Variants in FNTA observed in about 807,000 individuals in gnomAD.
FNTA encodes farnesyltransferase, CAAX box, subunit alpha, also known as protein farnesyltransferase/geranylgeranyltransferase type-1 subunit alpha.
FNTA carries 27 observed loss-of-function variants against 55.2 expected under a neutral mutation model. The ratio of observed to expected loss-of-function variants is 0.49; its 90% CI spans 0.36 to 0.67. FNTA has a LOEUF of 0.67. Ranked by LOEUF, FNTA falls within the 30% of genes least tolerant of loss-of-function variation. The probability of loss-of-function intolerance (pLI) is 0.00; values close to 1 mark genes in which losing one functional copy is unlikely to be tolerated. For synonymous variants in FNTA, 176 were observed against 170.7 expected, an observed-to-expected ratio of 1.03 and a Z score of -0.24; for missense variants, 422 against 464.7, an observed-to-expected ratio of 0.91 and a Z score of 0.85.
chr8:43,057,473 CTG>C (rs1810437087), intron 1 of FNTA, among the ~76,000 whole-genome samples: 1 of 152,148 alleles, frequency 6.6e-6, no homozygotes, highest in Admixed American at 6.5e-5. Context: ...TCTCACGTGA[CTG>C]TGGGTGATTT....
rs1206724651 is a variant in FNTA, at chr8:43,077,301, GAT to G, written c.721_722del (p.Tyr241LeufsTer5). 6.2e-7 allele frequency: 1 copy of G among 1,612,824 alleles called. No homozygotes were observed. The highest frequency in any genetic ancestry group is 8.5e-7 in the Non-Finnish European group (1 of 1,179,180). ...AGAAATAACTCTGTCTGGAACCAAA[GAT>G]ACTTCGTTATTTCTAACACCACTGG... On this transcript the variant is annotated frameshift_variant, in exon 6 of 9. Transcript: ENST00000302279. LOFTEE classifies it high-confidence loss of function.
At chr8:43,065,677 G>T (rs989737832) in intron 3 of FNTA, among the ~76,000 whole-genome samples, 1 of 151,294 alleles carries the variant, frequency 6.6e-6, no homozygotes, top group Non-Finnish European at 1.5e-5. Flanking sequence ...TTGAACACAG[G>T]TCATCCTTCA....
intron 3 of FNTA, among the ~76,000 whole-genome samples, chr8:43,068,869 C>T (rs919363265): frequency 3.3e-5 from 5 of 151,932 alleles, no homozygotes; most frequent in East Asian, 1.9e-4. Context: ...TGCACCACCT[C>T]GCCCAACTGA....
intron 3 of FNTA, among the ~76,000 whole-genome samples, chr8:43,066,836 C>T (rs1158395145): frequency 6.6e-6 from 1 of 152,018 alleles, no homozygotes; most frequent in African/African-American, 2.4e-5. Flanking sequence ...TCTCACTAGT[C>T]AGTATTTAAG....
rs564529870 is a variant in FNTA, at chr8:43,072,740, C to A, written c.633+433C>A. Among the ~76,000 whole-genome samples, 85 of 151,976 alleles carry A rather than the reference C, an allele frequency of 5.6e-4. 1 individual carries two copies. The highest frequency in any genetic ancestry group is 9.2e-4 in the Admixed American group (14 of 15,246). On this transcript the variant is annotated intron_variant, in intron 5 of 8. Coordinates refer to ENST00000302279, the MANE Select transcript of FNTA (RefSeq NM_002027.3). ...AGACCCTATCTATTTTAAAAAAAAA[C>A]AAACATTATTAACATACTTAAAACC... is the stretch of plus-strand genomic sequence containing the variant.
intron 6 of FNTA, chr8:43,080,664 A>G (rs1328557811): frequency 6.6e-6 from 1 of 152,208 alleles, no homozygotes; most frequent in Non-Finnish European, 1.5e-5. Flanking sequence ...GTATGATTAT[A>G]AAAAATTAAA....
intron 6 of FNTA, chr8:43,077,627 T>G: frequency 3.8e-6 from 1 of 261,422 alleles, no homozygotes; most frequent in African/African-American, 2.2e-5. Flanking sequence ...AGCTTTATTT[T>G]AAAACCATCT....
rs911389494 is a variant in FNTA, at chr8:43,056,323, A to C, written c.-24A>C. 1.4e-6 allele frequency: 2 copies of C among 1,384,056 alleles called. No individual in the cohort carries two copies. Among genetic ancestry groups the C allele is most frequent in the African/African-American group, 3.0e-5 (2 of 65,580 alleles). The allele number at this position is 1,384,056 out of a possible 1,614,324, so 85.7% of individuals were successfully genotyped here. A position where few individuals can be genotyped will look rare whatever the true frequency, so the allele number is the denominator to read the frequency against. On this transcript the variant is annotated 5_prime_UTR_variant, in exon 1 of 9. Transcript: ENST00000302279. ...AGGGAGGGGCGGGGCCTCCGCCACC[A>C]CCTCAGCTGCGGACCGAGGCGAGAT... is the stretch of plus-strand genomic sequence containing the variant.
At chr8:43,082,451 A>T (rs1049453406) in intron 6 of FNTA, 1 of 152,228 alleles carries the variant, frequency 6.6e-6, no homozygotes, top group Non-Finnish European at 1.5e-5. Flanking sequence ...ACGTAAGTAG[A>T]GCTTAGACTG....
At chr8:43,083,684 A>G (rs1377510795) in intron 7 of FNTA, among the ~76,000 whole-genome samples, 1 of 152,216 alleles carries the variant, frequency 6.6e-6, no homozygotes, top group East Asian at 1.9e-4. Flanking sequence ...AACTAGGCTC[A>G]AAGAGCACAA....
rs185163174 is a variant in FNTA at position 43,071,264 on chromosome 8, C to T, written c.507-917C>T. Among the ~76,000 whole-genome samples the T allele has an allele frequency of 2.6e-3, 395 of 152,204 alleles. 5 individuals carry two copies. The highest frequency in any genetic ancestry group is 0.021 in the Admixed American group (324 of 15,280). On this transcript the variant is annotated intron_variant, in intron 4 of 8. Transcript: ENST00000302279. ...TAGTATATATACAGATCTGTACAAC[C>T]ATCACCATAGTGAGTTTTAGAACAT...
chr8:43,072,358 A>G (rs948004147), intron 5 of FNTA, 51 bp downstream of exon 5: 7 of 1,349,492 alleles, frequency 5.2e-6, no homozygotes, highest in Non-Finnish European at 6.9e-6. Context: ...TAACTGAACT[A>G]AATAAAATTA....
Position 43,056,343 on chromosome 8 carries a change from C to G in FNTA, c.-4C>G, listed in dbSNP as rs1586650244. On this transcript the variant is annotated 5_prime_UTR_variant, in exon 1 of 9. Coordinates refer to ENST00000302279, the MANE Select transcript of FNTA (RefSeq NM_002027.3). The stretch of plus-strand genomic sequence containing the variant: ...CCACCACCTCAGCTGCGGACCGAGG[C>G]GAGATGGCGGCCACCGAGGGGGTCG... 4.2e-6 allele frequency: 6 copies of G among 1,412,164 alleles called. No homozygotes were observed. Among genetic ancestry groups the G allele is most frequent in the Non-Finnish European group, 5.5e-6 (6 of 1,091,460 alleles). 87.5% of individuals were successfully genotyped at this position (1,412,164 alleles called of 1,614,324 possible).
At chr8:43,068,113 G>A (rs184327121) in intron 3 of FNTA, among the ~76,000 whole-genome samples, 1 of 152,206 alleles carries the variant, frequency 6.6e-6, no homozygotes, top group South Asian at 2.1e-4. Context: ...TGTTAGCCAG[G>A]TCTCAAACTC....
At chr8:43,062,392 G>A (rs1586653534) in intron 2 of FNTA, among the ~76,000 whole-genome samples, 1 of 151,466 alleles carries the variant, frequency 6.6e-6, no homozygotes, top group South Asian at 2.1e-4. Context: ...AGCGATTCTC[G>A]TGCCTCAGCC....
At chr8:43,059,251 C>A in intron 2 of FNTA, 74 bp downstream of exon 2, 1 of 978,888 alleles carries the variant, frequency 1.0e-6, no homozygotes, top group Non-Finnish European at 1.5e-6. Flanking sequence ...AACTATGTAG[C>A]AAGATAGATG....
chr8:43,084,083 A>C (rs1189825505), intron 7 of FNTA, among the ~76,000 whole-genome samples: 2 of 151,790 alleles, frequency 1.3e-5, no homozygotes, highest in African/African-American at 4.8e-5. Context: ...AAAAAAAAAA[A>C]AGAAGAACAT....
At chr8:43,079,475 A>G (rs1215541602) in intron 6 of FNTA, 1 of 153,342 alleles carries the variant, frequency 6.5e-6, no homozygotes, top group Non-Finnish European at 1.5e-5. Flanking sequence ...ACATCTGTTT[A>G]CAGCATGGTT....
At chr8:43,074,550 TACACACAC>T (rs10543932) in intron 5 of FNTA, among the ~76,000 whole-genome samples, 1 of 150,360 alleles carries the variant, frequency 6.7e-6, no homozygotes, top group South Asian at 2.1e-4. Flanking sequence ...AAAAGTGAAA[TACACACAC>T]ACACACACAC....
Sources: allele counts gnomAD v4.1 joint callset (sites outside exome capture counted in the v4.1 genomes callset), GRCh38; gene constraint gnomAD v4.1.1; transcripts MANE v1.5; gene names NCBI Gene and HGNC (gene_info 2026-07-23, HGNC 2026-07-21).